Variants in ZNF503 observed in about 807,000 individuals in gnomAD.
ZNF503 encodes the protein zinc finger protein 503.
ZNF503 carries 15 observed loss-of-function variants against 34.4 expected under a neutral mutation model. That is an observed-to-expected ratio of 0.44 (90% CI 0.29 to 0.67). ZNF503 has a LOEUF of 0.67. ZNF503 is among the 30% of genes least tolerant of loss of function. The probability of loss-of-function intolerance (pLI) is 0.13; values close to 1 mark genes in which losing one functional copy is unlikely to be tolerated. For synonymous variants in ZNF503, 580 were observed against 456.8 expected, an observed-to-expected ratio of 1.27 and a Z score of -3.44; for missense variants, 1,007 against 926.8, an observed-to-expected ratio of 1.09 and a Z score of -1.12.
chr10:75,307,924 A>T, the ZNF503 span, among the ~76,000 whole-genome samples: 5 of 151,466 alleles, frequency 3.3e-5, no homozygotes, highest in South Asian at 2.1e-4. Flanking sequence ...ACAAAAAAAT[A>T]AAAAAATGAG....
rs760281652 is a variant in ZNF503 at position 75,399,009 on chromosome 10, G to C, written c.1681C>G (p.Leu561Val). ...LLSGYPSSSS[L>V]ASAAAAAMAC... ...ATGGCGGCCGCGGCAGCGCTGGCCA[G>C]AGACGACGAGCTGGGGTAGCCCGAC... is the stretch of plus-strand genomic sequence containing the variant. The change falls in exon 2 of 2, where the codon CTG becomes GTG. Residue 561 changes from leucine to valine, a missense_variant. By Grantham distance (32) the Leu-to-Val change is conservative. Coordinates refer to ENST00000372524, the MANE Select transcript of ZNF503 (RefSeq NM_032772.6). 1 of 1,609,042 alleles carries C rather than the reference G, an allele frequency of 6.2e-7. No homozygotes were observed. Among genetic ancestry groups the C allele is most frequent in the South Asian group, 1.1e-5 (1 of 91,040 alleles).
the ZNF503 span, among the ~76,000 whole-genome samples, chr10:75,379,575 C>T: frequency 6.6e-6 from 1 of 152,176 alleles, no homozygotes; most frequent in Non-Finnish European, 1.5e-5. Flanking sequence ...AGCAGTTCTG[C>T]CCAGCACGGA....
the ZNF503 span, among the ~76,000 whole-genome samples, chr10:75,381,730 A>G: frequency 1.5e-5 from 2 of 137,340 alleles, no homozygotes; most frequent in Admixed American, 1.5e-4. Context: ...TTGTGTGTAT[A>G]TGTGTGTGTG....
At chr10:75,355,031 G>A in the ZNF503 span, among the ~76,000 whole-genome samples, 2 of 152,008 alleles carry the variant, frequency 1.3e-5, no homozygotes, top group African/African-American at 4.8e-5. Flanking sequence ...TTTTAGTAGA[G>A]ACAGGGTTCC....
chr10:75,337,855 C>T, the ZNF503 span, among the ~76,000 whole-genome samples: 3 of 152,162 alleles, frequency 2.0e-5, no homozygotes, highest in African/African-American at 7.2e-5. Flanking sequence ...GATTGGAACA[C>T]CAATACCTAG....
Position 75,401,760 on chromosome 10 carries a change from G to A in ZNF503, c.-341C>T, listed in dbSNP as rs960335038. 9 of 338,244 alleles carry A rather than the reference G, an allele frequency of 2.7e-5. No individual in the cohort carries two copies. Among genetic ancestry groups the A allele is most frequent in the Non-Finnish European group, 4.3e-5 (8 of 187,700 alleles). 21.0% of individuals were successfully genotyped at this position (338,244 alleles called of 1,614,324 possible). A position where few individuals can be genotyped will look rare whatever the true frequency, so the allele number is the denominator to read the frequency against. On this transcript the variant is annotated 5_prime_UTR_variant, in exon 1 of 2. Coordinates refer to ENST00000372524, the MANE Select transcript of ZNF503 (RefSeq NM_032772.6). The stretch of plus-strand genomic sequence containing the variant: ...GCGAGCCGCTGCGTGTCCAGCCGGG[G>A]CTCTGGCGAGGAAACTCACTTCAAA...
the ZNF503 span, among the ~76,000 whole-genome samples, chr10:75,323,991 CAAAA>C: frequency 1.1e-3 from 48 of 42,842 alleles, no homozygotes; most frequent in African/African-American, 3.3e-3. Context: ...AACTCCGTCT[CAAAA>C]AAAAAAAAAA....
At chr10:75,308,773 G>A in the ZNF503 span, among the ~76,000 whole-genome samples, 36 of 152,322 alleles carry the variant, frequency 2.4e-4, no homozygotes, top group Admixed American at 2.0e-4. Context: ...AGTGGAGCCC[G>A]AACATATGAC....
the ZNF503 span, among the ~76,000 whole-genome samples, chr10:75,325,936 A>G: frequency 1.3e-5 from 2 of 151,278 alleles, no homozygotes; most frequent in Non-Finnish European, 2.9e-5. Flanking sequence ...ATAGCTCACT[A>G]CAGTCTTCAA....
chr10:75,329,539 C>T, the ZNF503 span, among the ~76,000 whole-genome samples: 1 of 151,756 alleles, frequency 6.6e-6, no homozygotes, highest in Admixed American at 6.6e-5. Context: ...CTCATAGCTA[C>T]CTAATAGCCT....
At chr10:75,306,340 T>C in the ZNF503 span, among the ~76,000 whole-genome samples, 2 of 152,268 alleles carry the variant, frequency 1.3e-5, no homozygotes, top group South Asian at 2.1e-4. Flanking sequence ...TTATATATCT[T>C]TTTTTTGGGA....
the ZNF503 span, among the ~76,000 whole-genome samples, chr10:75,388,713 G>T: frequency 6.6e-6 from 1 of 152,202 alleles, no homozygotes; most frequent in Admixed American, 6.5e-5. Context: ...TTGCACAAGT[G>T]TACACTGGGC....
the ZNF503 span, among the ~76,000 whole-genome samples, chr10:75,377,246 C>T: frequency 6.6e-6 from 1 of 152,256 alleles, no homozygotes; most frequent in East Asian, 1.9e-4. Context: ...CTTTCAGGCG[C>T]CCAGTGACAA....
downstream of ZNF503, among the ~76,000 whole-genome samples, chr10:75,394,229 G>A (rs1356245920): frequency 6.6e-6 from 1 of 152,264 alleles, no homozygotes; most frequent in Non-Finnish European, 1.5e-5. Flanking sequence ...GTGTTGTACA[G>A]ATTATTTCAT....
the ZNF503 span, among the ~76,000 whole-genome samples, chr10:75,381,197 G>A: frequency 3.9e-5 from 6 of 152,158 alleles, no homozygotes; most frequent in Non-Finnish European, 5.9e-5. Flanking sequence ...CTTCTGGGAT[G>A]TGCGTGTGTA....
the ZNF503 span, among the ~76,000 whole-genome samples, chr10:75,320,467 T>A: frequency 1.3e-5 from 2 of 151,360 alleles, no homozygotes; most frequent in South Asian, 4.2e-4. Flanking sequence ...GGCAACAGAG[T>A]GAGACCCTGT....
the ZNF503 span, among the ~76,000 whole-genome samples, chr10:75,340,150 T>C: frequency 2.6e-4 from 1 of 3,862 alleles, no homozygotes; most frequent in African/African-American, 1.1e-3. Context: ...GGCCTGGTGG[T>C]GGGGGCCGGG....
chr10:75,363,757 C>G, the ZNF503 span, among the ~76,000 whole-genome samples: 2 of 152,216 alleles, frequency 1.3e-5, no homozygotes, highest in African/African-American at 4.8e-5. Context: ...AGCTCTAAAC[C>G]TAGCTGTTTT....
the ZNF503 span, among the ~76,000 whole-genome samples, chr10:75,345,182 G>T: frequency 2.6e-5 from 4 of 152,178 alleles, no homozygotes; most frequent in Admixed American, 6.5e-5. Flanking sequence ...GCAGGTTTTG[G>T]TGTGCAGAGC....
Sources: gnomAD v4.1 joint callset for allele counts (sites outside exome capture counted in the v4.1 genomes callset) on GRCh38, gnomAD v4.1.1 for gene constraint, MANE v1.5 for transcripts, NCBI Gene and HGNC (gene_info 2026-07-23, HGNC 2026-07-21) for gene names.